KIAA0586: variants seen among roughly 807,000 people sequenced by gnomAD.
KIAA0586 encodes KIAA0586, also known as protein TALPID3.
In KIAA0586, 144 loss-of-function variants were observed where a neutral mutation model predicts 169.8. That is an observed-to-expected ratio of 0.85 (90% CI 0.74 to 0.97). KIAA0586 has a LOEUF of 0.97. KIAA0586 is among the 50% of genes least tolerant of loss of function. The pLI, the probability that KIAA0586 is intolerant of heterozygous loss-of-function variation, is 0.00. For synonymous variants in KIAA0586, 625 were observed against 612.4 expected (o/e 1.02, Z -0.30); for missense variants, 1,854 against 1,823.0 (o/e 1.02, Z -0.31).
At position 58,467,874 on chromosome 14, in the gene KIAA0586, T is replaced by A; in HGVS notation, c.2394T>A (p.Ile798=). Residue 798 remains isoleucine, a synonymous_variant, in exon 16 of 31, where the codon ATT becomes ATA. Coordinates refer to ENST00000652326, the MANE Select transcript of KIAA0586 (RefSeq NM_001329943.3). The stretch of plus-strand genomic sequence containing the variant: ...GAGTAAAGAAACCTAACATAGCCAT[T>A]GTAGAAATGAAGTCAGAAAAAAAGG... ...ETGVKKPNIA[I]VEMKSEKKDP... 1 of 1,613,696 alleles carries A rather than the reference T, an allele frequency of 6.2e-7. No homozygotes were observed. Among genetic ancestry groups the A allele is most frequent in the Non-Finnish European group, 8.5e-7 (1 of 1,179,752 alleles).
chr14:58,519,971 G>C (rs539450257), intron 29 of KIAA0586, among the ~76,000 whole-genome samples: 26 of 152,226 alleles, frequency 1.7e-4, no homozygotes, highest in African/African-American at 6.0e-4. Flanking sequence ...AATCTAAAGT[G>C]ATTTTTATTT....
intron 27 of KIAA0586, among the ~76,000 whole-genome samples, chr14:58,507,341 T>C (rs1566916900): frequency 6.8e-6 from 1 of 146,166 alleles, no homozygotes; most frequent in Non-Finnish European, 1.5e-5. Context: ...TATATAAATA[T>C]ATAATATCAT....
rs184405965 is a variant in KIAA0586 at position 58,450,521 on chromosome 14, T to C, written c.962-58T>C. On this transcript the variant is annotated intron_variant, in intron 7 of 30. Coordinates refer to ENST00000652326, the MANE Select transcript of KIAA0586 (RefSeq NM_001329943.3). ...TAAAGTATAGGCAAGAGTAATATGC[T>C]ATAATTTTTAAAGCTTTTTAAAAGC... 3.3e-3 allele frequency: 3,177 copies of C among 963,484 alleles called. 12 individuals carry two copies. Among genetic ancestry groups the C allele is most frequent in the Middle Eastern group, 4.8e-3 (23 of 4,758 alleles). 59.7% of individuals were successfully genotyped at this position (963,484 alleles called of 1,614,324 possible).
intron 4 of KIAA0586, among the ~76,000 whole-genome samples, chr14:58,435,629 C>A (rs1038903719): frequency 5.3e-5 from 8 of 152,124 alleles, no homozygotes; most frequent in Admixed American, 2.0e-4. Context: ...CCTATGCCCC[C>A]CTTCCATACC....
chr14:58,484,904 A>ATATATATATTTT (rs1172767909), intron 21 of KIAA0586, among the ~76,000 whole-genome samples: 820 of 4,182 alleles, frequency 0.2, 78 homozygotes, highest in South Asian at 0.36. Context: ...ATATATATAT[A>ATATATATATTTT]TATATATATA....
At position 58,488,810 on chromosome 14, in the gene KIAA0586, T is replaced by G. The variant is rs758690971; in HGVS notation, c.3717T>G (p.Thr1239=). 19 of 1,613,906 alleles carry G rather than the reference T, an allele frequency of 1.2e-5. No individual in the cohort carries two copies. In the African/African-American group the frequency reaches 1.2e-4, roughly 10 times the overall value. ...GTGTTACTGTCACTGAAACTGAAAC[T>G]TTAGATAAACCCATCTCTGAAGGAG... ...TLSVTVTETE[T]LDKPISEGEI... is the part of the protein sequence containing the mutation. Residue 1239 remains threonine, a synonymous_variant, in exon 24 of 31, where the codon ACT becomes ACG. Coordinates refer to ENST00000652326, the MANE Select transcript of KIAA0586 (RefSeq NM_001329943.3).
chr14:58,468,284 A>G (rs1435155050), intron 16 of KIAA0586, among the ~76,000 whole-genome samples: 1 of 152,040 alleles, frequency 6.6e-6, no homozygotes, highest in East Asian at 1.9e-4. Context: ...TCCTGACCTC[A>G]GGTGAATCCA....
chr14:58,467,384 A>G (rs763291469), intron 15 of KIAA0586, among the ~76,000 whole-genome samples: 19 of 152,228 alleles, frequency 1.2e-4, no homozygotes, highest in Admixed American at 5.2e-4. Context: ...TGTGTTTTCA[A>G]CAAGTACACT....
chr14:58,539,934 C>A, intron 29 of KIAA0586, 137 bp from the exon 30 acceptor site: 1 of 559,184 alleles, frequency 1.8e-6, no homozygotes, highest in Non-Finnish European at 3.2e-6. Context: ...GCCACTAGAT[C>A]AAACTTCTGT....
chr14:58,474,511 G>A, intron 18 of KIAA0586, 96 bp from the exon 19 acceptor site: 7 of 733,384 alleles, frequency 9.5e-6, no homozygotes. Flanking sequence ...AATTTAGAAG[G>A]GTTTCTTAAT....
chr14:58,536,534 G>A (rs990317636), intron 29 of KIAA0586, among the ~76,000 whole-genome samples: 3 of 152,140 alleles, frequency 2.0e-5, no homozygotes, highest in Non-Finnish European at 2.9e-5. Context: ...TTTTGAAAAG[G>A]ATGTACACTA....
At chr14:58,532,875 C>T (rs1353036404) in intron 29 of KIAA0586, among the ~76,000 whole-genome samples, 2 of 152,150 alleles carry the variant, frequency 1.3e-5, no homozygotes, top group South Asian at 2.1e-4. Flanking sequence ...ACAAATTACT[C>T]GTTATGGAAT....
In KIAA0586 at chr14:58,504,086, T is replaced by C. The variant is rs184293076; in HGVS notation, c.4169-4469T>C. On this transcript the variant is annotated intron_variant, in intron 27 of 30. Coordinates refer to ENST00000652326, the MANE Select transcript of KIAA0586 (RefSeq NM_001329943.3). Reference sequence around the variant, plus strand: ...GTGATATTCATCAGTCTGTTAAAGATTGTAAGTAAATGAGTGATGTGATCA... The same window carrying C: ...GTGATATTCATCAGTCTGTTAAAGACTGTAAGTAAATGAGTGATGTGATCA... Among the ~76,000 whole-genome samples, 221 of 152,320 alleles carry C rather than the reference T, an allele frequency of 1.5e-3. 1 individual carries two copies. The highest frequency in any genetic ancestry group is 4.2e-3 in the African/African-American group (173 of 41,572).
At chr14:58,484,913 TA>T (rs2042317769) in intron 21 of KIAA0586, among the ~76,000 whole-genome samples, 2 of 17,332 alleles carry the variant, frequency 1.2e-4, no homozygotes, top group African/African-American at 3.6e-4. Context: ...TATATATATA[TA>T]TATATATATA....
chr14:58,521,965 A>T, intron 29 of KIAA0586: 6 of 1,369,632 alleles, frequency 4.4e-6, no homozygotes, highest in African/African-American at 1.4e-5. Flanking sequence ...TGACAGAGAC[A>T]GCACCAATGG....
the KIAA0586 span, among the ~76,000 whole-genome samples, chr14:58,560,763 G>A: frequency 1.3e-5 from 2 of 152,158 alleles, no homozygotes; most frequent in Non-Finnish European, 2.9e-5. Flanking sequence ...CAGAGGTACC[G>A]TTCTAAAGTG....
At chr14:58,552,628 C>T (rs117993463), downstream of KIAA0586, among the ~76,000 whole-genome samples, 100 of 152,264 alleles carry the variant, frequency 6.6e-4, 1 homozygote, top group East Asian at 0.019. Flanking sequence ...CAGTTCAGTA[C>T]GCTCCTACCA....
At chr14:58,482,360 C>G (rs1398882432) in intron 20 of KIAA0586, among the ~76,000 whole-genome samples, 153 bp from the exon 21 acceptor site, 2 of 151,852 alleles carry the variant, frequency 1.3e-5, no homozygotes, top group East Asian at 3.9e-4. Context: ...TGGGAGGTGG[C>G]AGTTGCAGTG....
intron 14 of KIAA0586, chr14:58,463,932 C>G (rs1204129250): frequency 2.5e-6 from 1 of 394,964 alleles, no homozygotes; most frequent in African/African-American, 2.2e-5. Flanking sequence ...AACCTGGGCA[C>G]TGGGGAGATG....
Sources: gnomAD v4.1 joint callset for allele counts (sites outside exome capture counted in the v4.1 genomes callset) on GRCh38, gnomAD v4.1.1 for gene constraint, MANE v1.5 for transcripts, NCBI Gene and HGNC (gene_info 2026-07-23, HGNC 2026-07-21) for gene names.